Variants in DOK6 observed in about 807,000 individuals in gnomAD.
The protein encoded by DOK6 is docking protein 6.
DOK6 carries 22 observed loss-of-function variants against 44.0 expected under a neutral mutation model. The observed-to-expected ratio is 0.50, with a 90% CI of 0.36 to 0.71. The LOEUF (loss-of-function observed/expected upper bound fraction) is 0.71. DOK6 is among the 30% of genes least tolerant of loss of function. The probability of loss-of-function intolerance (pLI) is 0.00; values close to 1 mark genes in which losing one functional copy is unlikely to be tolerated. For missense variants in DOK6, 340 were observed against 416.4 expected (o/e 0.82, Z 1.60); for synonymous variants, 166 against 145.5 (o/e 1.14, Z -1.01).
intron 5 of DOK6, among the ~76,000 whole-genome samples, chr18:69,712,118 A>T (rs1986771612): frequency 6.7e-6 from 1 of 149,660 alleles, no homozygotes; most frequent in South Asian, 2.1e-4. Flanking sequence ...CGTCTCTACT[A>T]AAAATACAAA....
chr18:69,426,996 A>G (rs1040601971), intron 1 of DOK6, among the ~76,000 whole-genome samples: 5 of 130,666 alleles, frequency 3.8e-5, no homozygotes, highest in South Asian at 3.0e-4. Flanking sequence ...CTCCCCTTCC[A>G]TCCTCTACCC....
chr18:69,538,682 T>A (rs1323622852), intron 1 of DOK6, among the ~76,000 whole-genome samples: 2 of 127,250 alleles, frequency 1.6e-5, no homozygotes, highest in African/African-American at 5.9e-5. Context: ...CGCCTCCATT[T>A]CTCTTTACTA....
At chr18:69,730,462 G>T (rs965298814) in intron 5 of DOK6, among the ~76,000 whole-genome samples, 2 of 152,174 alleles carry the variant, frequency 1.3e-5, no homozygotes, top group African/African-American at 4.8e-5. Context: ...GACTAATACT[G>T]TATATAGCTA....
At chr18:69,716,754 A>C (rs953917746) in intron 5 of DOK6, among the ~76,000 whole-genome samples, 2 of 151,856 alleles carry the variant, frequency 1.3e-5, no homozygotes, top group Admixed American at 1.3e-4. Context: ...CTTTTTAAAA[A>C]AATTGTTCTT....
intron 2 of DOK6, among the ~76,000 whole-genome samples, chr18:69,571,331 C>A (rs1983110540): frequency 6.6e-6 from 1 of 151,558 alleles, no homozygotes; most frequent in Non-Finnish European, 1.5e-5. Flanking sequence ...AGAGGTAAAA[C>A]AACAACAACA....
intron 3 of DOK6, among the ~76,000 whole-genome samples, chr18:69,627,598 G>A (rs553214059): frequency 4.6e-5 from 7 of 151,950 alleles, no homozygotes; most frequent in South Asian, 2.1e-4. Flanking sequence ...GCAGGCGCCC[G>A]CCACCACACC....
chr18:69,584,047 G>C (rs1204566641), intron 2 of DOK6, among the ~76,000 whole-genome samples: 1 of 148,220 alleles, frequency 6.7e-6, no homozygotes, highest in East Asian at 2.0e-4. Context: ...GGCGGAGCTT[G>C]CAGTGAGCCG....
intron 1 of DOK6, among the ~76,000 whole-genome samples, chr18:69,544,318 T>A (rs17081206): frequency 6.6e-6 from 1 of 151,456 alleles, no homozygotes. Context: ...ATATCAATGT[T>A]ATATTATCCA....
intron 2 of DOK6, among the ~76,000 whole-genome samples, chr18:69,573,933 G>C (rs1234333545): frequency 6.6e-6 from 1 of 151,874 alleles, no homozygotes; most frequent in Admixed American, 6.6e-5. Context: ...AGTCTGAATT[G>C]CTCAAATTAA....
At chr18:69,839,610 C>T (rs1286338336) in intron 7 of DOK6, among the ~76,000 whole-genome samples, 1 of 152,222 alleles carries the variant, frequency 6.6e-6, no homozygotes, top group South Asian at 2.1e-4. Flanking sequence ...GAGGCTGCTT[C>T]AAGAGCTGGG....
At chr18:69,642,245 C>T (rs1048213681) in intron 3 of DOK6, among the ~76,000 whole-genome samples, 4 of 152,178 alleles carry the variant, frequency 2.6e-5, no homozygotes, top group African/African-American at 4.8e-5. Flanking sequence ...ATACCATGAT[C>T]ACAACCAACA....
Position 69,844,476 on chromosome 18 carries a change from TAATC to T in DOK6, c.*3097_*3100del, listed in dbSNP as rs1351193260. On this transcript the variant is annotated 3_prime_UTR_variant, in exon 8 of 8. Transcript: ENST00000382713. ...TCCCAATTTTTTCTTCTGATAATAT[TAATC>T]AATGTACACATGATTGATGCATGAT... 1 of 152,198 alleles carries T rather than the reference TAATC, an allele frequency of 6.6e-6. No individual in the cohort carries two copies. The highest frequency in any genetic ancestry group is 6.5e-5 in the Admixed American group (1 of 15,272). 9.4% of individuals were successfully genotyped at this position (152,198 alleles called of 1,614,324 possible). A position where few individuals can be genotyped will look rare whatever the true frequency, so the allele number is the denominator to read the frequency against.
intron 1 of DOK6, among the ~76,000 whole-genome samples, chr18:69,468,614 G>A (rs1035801533): frequency 6.6e-6 from 1 of 152,184 alleles, no homozygotes; most frequent in Non-Finnish European, 1.5e-5. Context: ...TGAGAAGCAC[G>A]GATGTGGCTG....
chr18:69,712,747 T>TGCG (rs1442116428), intron 5 of DOK6, among the ~76,000 whole-genome samples: 2 of 152,194 alleles, frequency 1.3e-5, no homozygotes, highest in East Asian at 1.9e-4. Flanking sequence ...CTCAGGAGGC[T>TGCG]GCGGCAGGAG....
intron 2 of DOK6, among the ~76,000 whole-genome samples, chr18:69,597,968 T>A (rs1053793941): frequency 1.3e-5 from 2 of 152,214 alleles, no homozygotes; most frequent in Non-Finnish European, 2.9e-5. Flanking sequence ...TGGGTGATTT[T>A]CCTTGACAAG....
chr18:69,649,178 A>C (rs531246128), intron 3 of DOK6, among the ~76,000 whole-genome samples: 1 of 152,326 alleles, frequency 6.6e-6, no homozygotes, highest in Admixed American at 6.5e-5. Flanking sequence ...TCCAATACCT[A>C]TCACTAATCC....
intron 5 of DOK6, among the ~76,000 whole-genome samples, chr18:69,719,079 G>T (rs1195777520): frequency 1.3e-5 from 2 of 152,166 alleles, no homozygotes; most frequent in Non-Finnish European, 2.9e-5. Context: ...GCACAGAAAT[G>T]CCAATACACT....
chr18:69,779,601 T>C (rs1669347099), intron 7 of DOK6, among the ~76,000 whole-genome samples: 1 of 152,176 alleles, frequency 6.6e-6, no homozygotes, highest in South Asian at 2.1e-4. Context: ...AAGTTACTAC[T>C]CTTTTGATTT....
intron 1 of DOK6, among the ~76,000 whole-genome samples, chr18:69,524,071 G>C (rs1981762511): frequency 6.6e-6 from 1 of 151,978 alleles, no homozygotes; most frequent in Non-Finnish European, 1.5e-5. Context: ...TCTATTACAG[G>C]AGATTTTTAT....
Sources: gnomAD v4.1 joint callset for allele counts (sites outside exome capture counted in the v4.1 genomes callset) on GRCh38, gnomAD v4.1.1 for gene constraint, MANE v1.5 for transcripts, NCBI Gene and HGNC (gene_info 2026-07-23, HGNC 2026-07-21) for gene names.